Variants in ATF7IP2 observed in about 807,000 individuals in gnomAD.
ATF7IP2 encodes activating transcription factor 7 interacting protein 2.
A neutral mutation model predicts 64.2 loss-of-function variants in ATF7IP2; 42 were observed. The ratio of observed to expected loss-of-function variants is 0.65; its 90% CI spans 0.51 to 0.85. The LOEUF is 0.85. Among genes scored for constraint, ATF7IP2 ranks in the 40% least tolerant of loss-of-function variants. ATF7IP2 has a pLI of 0.00. For synonymous variants in ATF7IP2, 308 were observed against 272.8 expected, an observed-to-expected ratio of 1.13 and a Z score of -1.27; for missense variants, 933 against 784.2, an observed-to-expected ratio of 1.19 and a Z score of -2.27.
At chr16:10,439,444 G>C (rs62025941) in intron 7 of ATF7IP2, among the ~76,000 whole-genome samples, 116,434 of 151,040 alleles carry the variant, frequency 0.77, 45,276 homozygotes, top group African/African-American at 0.87. Flanking sequence ...CTGTATTAGC[G>C]TTGATGGTCT....
At chr16:10,435,819 G>T (rs1191628277) in intron 6 of ATF7IP2, among the ~76,000 whole-genome samples, 1 of 152,146 alleles carries the variant, frequency 6.6e-6, no homozygotes, top group Non-Finnish European at 1.5e-5. Flanking sequence ...TGTGTTTGGT[G>T]GATCCAGGAT....
At chr16:10,429,111 G>A (rs1301884800) in intron 4 of ATF7IP2, 95 bp downstream of exon 4, 1 of 152,134 alleles carries the variant, frequency 6.6e-6, no homozygotes, top group Non-Finnish European at 1.5e-5. Flanking sequence ...TTCAGGCAAA[G>A]CTGCTAATTT....
intron 1 of ATF7IP2, among the ~76,000 whole-genome samples, chr16:10,400,121 A>G (rs59331944): frequency 0.2 from 30,333 of 152,044 alleles, 3,390 homozygotes; most frequent in African/African-American, 0.3. Context: ...GCCCACTGCA[A>G]CTTCCATCGC....
At chr16:10,411,855 T>C (rs1191862213) in intron 1 of ATF7IP2, among the ~76,000 whole-genome samples, 1 of 151,758 alleles carries the variant, frequency 6.6e-6, no homozygotes, top group Non-Finnish European at 1.5e-5. Flanking sequence ...TTTATATTTC[T>C]GTGGTGTCAG....
Position 10,440,419 on chromosome 16 carries a change from A to G in ATF7IP2, c.1151A>G (p.Asn384Ser), listed in dbSNP as rs188503332. Residue 384 changes from asparagine (N) to serine (S), a missense_variant, in exon 8 of 14, where the codon AAT (asparagine) becomes AGT (serine). Coordinates refer to ENST00000562102, the MANE Select transcript of ATF7IP2 (RefSeq NM_001393719.1). Reference sequence around the variant, plus strand: ...AAAACAGTATTATTATTTCAAAGGAATTGTTTGAAACCAAACATGTTATCC... The same window carrying G: ...AAAACAGTATTATTATTTCAAAGGAGTTGTTTGAAACCAAACATGTTATCC... ...RIKTVLLFQR[N>S]CLKPNMLSSN... 4.2e-5 allele frequency: 66 copies of G among 1,569,120 alleles called. No homozygotes were observed. In the East Asian group the frequency reaches 1.4e-3, roughly 33 times the overall value.
intron 1 of ATF7IP2, among the ~76,000 whole-genome samples, chr16:10,394,527 C>G (rs1028867414): frequency 6.6e-6 from 1 of 152,152 alleles, no homozygotes; most frequent in African/African-American, 2.4e-5. Context: ...ACCAACTAGA[C>G]TTAAGAGATA....
At position 10,440,417 on chromosome 16, in the gene ATF7IP2, G is replaced by A. The variant is rs972027137; in HGVS notation, c.1149G>A (p.Arg383=). ...TTAAAACAGTATTATTATTTCAAAG[G>A]AATTGTTTGAAACCAAACATGTTAT... The part of the protein sequence containing the change: ...RRIKTVLLFQ[R]NCLKPNMLSS... Residue 383 remains arginine, a synonymous_variant, in exon 8 of 14, where the codon AGG becomes AGA. Coordinates refer to ENST00000562102, the MANE Select transcript of ATF7IP2 (RefSeq NM_001393719.1). 6.4e-7 allele frequency: 1 copy of A among 1,566,724 alleles called. No individual in the cohort carries two copies. The highest frequency in any genetic ancestry group is 8.6e-7 in the Non-Finnish European group (1 of 1,162,160).
chr16:10,471,242 A>G (rs1228294506), intron 9 of ATF7IP2, among the ~76,000 whole-genome samples: 5 of 152,090 alleles, frequency 3.3e-5, no homozygotes, highest in Non-Finnish European at 7.4e-5. Flanking sequence ...AAATGGTATA[A>G]TTGGACTGGG....
intron 9 of ATF7IP2, among the ~76,000 whole-genome samples, chr16:10,466,977 A>G (rs2049597541): frequency 6.7e-6 from 1 of 150,170 alleles, no homozygotes; most frequent in Non-Finnish European, 1.5e-5. Context: ...TTTTTTTGGC[A>G]TGCTTGATAG....
intron 1 of ATF7IP2, among the ~76,000 whole-genome samples, chr16:10,407,277 G>T (rs746163214): frequency 2.7e-4 from 41 of 152,154 alleles, no homozygotes; most frequent in Non-Finnish European, 5.1e-4. Context: ...CATCCTGAAT[G>T]GGGAAAATCT....
At chr16:10,407,638 T>G (rs542431589) in intron 1 of ATF7IP2, among the ~76,000 whole-genome samples, 3 of 152,286 alleles carry the variant, frequency 2.0e-5, no homozygotes, top group Non-Finnish European at 2.9e-5. Flanking sequence ...CAAATAAGAT[T>G]ATTTTTAAAA....
chr16:10,429,449 C>T (rs1250078194), intron 4 of ATF7IP2, among the ~76,000 whole-genome samples: 1 of 152,228 alleles, frequency 6.6e-6, no homozygotes, highest in African/African-American at 2.4e-5. Flanking sequence ...CTCCTGAGTT[C>T]AAGTGATTCG....
chr16:10,462,328 A>G (rs1043249165), intron 9 of ATF7IP2, among the ~76,000 whole-genome samples: 1 of 151,398 alleles, frequency 6.6e-6, no homozygotes, highest in African/African-American at 2.4e-5. Flanking sequence ...TCATCTTTCC[A>G]TCTGGGCTCA....
intron 9 of ATF7IP2, among the ~76,000 whole-genome samples, chr16:10,462,775 C>T (rs1029110928): frequency 1.3e-5 from 2 of 152,054 alleles, no homozygotes; most frequent in African/African-American, 4.8e-5. Context: ...GACATTATTG[C>T]TTCAGATATT....
At chr16:10,391,649 G>A (rs1004222725) in intron 1 of ATF7IP2, among the ~76,000 whole-genome samples, 2 of 152,104 alleles carry the variant, frequency 1.3e-5, no homozygotes, top group African/African-American at 4.8e-5. Context: ...TGTAATCCCA[G>A]CACTTTAGGA....
chr16:10,462,093 A>C (rs2049392156), intron 9 of ATF7IP2, among the ~76,000 whole-genome samples: 1 of 152,100 alleles, frequency 6.6e-6, no homozygotes, highest in Non-Finnish European at 1.5e-5. Context: ...AGTTATTCTA[A>C]GATAATGATA....
intron 9 of ATF7IP2, among the ~76,000 whole-genome samples, chr16:10,463,062 T>A (rs901669272): frequency 2.0e-5 from 3 of 152,236 alleles, no homozygotes; most frequent in African/African-American, 7.2e-5. Context: ...CGTTGTACAT[T>A]TTAGTCACTA....
intron 6 of ATF7IP2, among the ~76,000 whole-genome samples, chr16:10,435,011 G>A (rs940531651): frequency 2.0e-4 from 31 of 152,102 alleles, no homozygotes; most frequent in Admixed American, 1.9e-3. Flanking sequence ...TCAGTGATCC[G>A]CCCGCCTCGG....
At chr16:10,475,959 C>G (rs1217363824) in intron 12 of ATF7IP2, among the ~76,000 whole-genome samples, 1 of 152,138 alleles carries the variant, frequency 6.6e-6, no homozygotes, top group Non-Finnish European at 1.5e-5. Flanking sequence ...TGTTTTGTCT[C>G]TTATTATCAT....
Sources: allele counts gnomAD v4.1 joint callset (sites outside exome capture counted in the v4.1 genomes callset), GRCh38; gene constraint gnomAD v4.1.1; transcripts MANE v1.5; gene names NCBI Gene and HGNC (gene_info 2026-07-23, HGNC 2026-07-21).